SLCO3A1: variants seen among roughly 807,000 people sequenced by gnomAD.
SLCO3A1 encodes solute carrier organic anion transporter family member 3A1.
SLCO3A1 carries 27 observed loss-of-function variants against 63.1 expected under a neutral mutation model. That is an observed-to-expected ratio of 0.43 (90% confidence interval 0.32 to 0.59). SLCO3A1 has a LOEUF of 0.59. Among genes scored for constraint, SLCO3A1 ranks in the 20% least tolerant of loss-of-function variants. The probability of loss-of-function intolerance (pLI) is 0.09; values close to 1 mark genes in which losing one functional copy is unlikely to be tolerated. For missense variants in SLCO3A1, 773 were observed against 945.8 expected, an observed-to-expected ratio of 0.82 and a Z score of 2.40; for synonymous variants, 473 against 409.9, an observed-to-expected ratio of 1.15 and a Z score of -1.86.
rs1227226182 is a variant in SLCO3A1, at chr15:91,897,320, G to A, written c.181-18673G>A. Among the ~76,000 whole-genome samples the A allele has an allele frequency of 3.9e-5, 6 of 152,084 alleles. No individual in the cohort carries two copies. The highest frequency in any genetic ancestry group is 3.4e-3 in the Middle Eastern group (1 of 294). ...CTAAAAATTAGCTGGGCATGGTGGC[G>A]GGCACCTATAATCCCAGCTACTCAG... On this transcript the variant is annotated intron_variant, in intron 1 of 9. Coordinates refer to ENST00000318445, the MANE Select transcript of SLCO3A1 (RefSeq NM_013272.4). This position sits in a 1 kb window ranked among gnomAD's most constrained non-coding sequence, Gnocchi z 4.7.
At chr15:92,157,426 C>T (rs1158753779) in intron 9 of SLCO3A1, among the ~76,000 whole-genome samples, 1 of 139,080 alleles carries the variant, frequency 7.2e-6, no homozygotes, top group Non-Finnish European at 1.6e-5. Context: ...TACACCTGGC[C>T]CCCCCCCTTG....
chr15:92,019,154 T>C (rs59734462), intron 2 of SLCO3A1, among the ~76,000 whole-genome samples: 1,838 of 152,230 alleles, frequency 0.012, 40 homozygotes, highest in African/African-American at 0.042. Flanking sequence ...CTTTGCTCAT[T>C]GCCTCTCACT....
rs1458441148 is a variant in SLCO3A1, at chr15:91,860,321, C to T, written c.180+6233C>T. ...AACTTAGACTTGCTATTTCCCAGCT[C>T]CTGGCAACTTCACTTACTCGAGCCT... is the stretch of plus-strand genomic sequence containing the variant. On this transcript the variant is annotated intron_variant, in intron 1 of 9. Transcript: ENST00000318445. This position sits in a 1 kb window ranked among gnomAD's most constrained non-coding sequence, Gnocchi z 5.5. Among the ~76,000 whole-genome samples the T allele has an allele frequency of 6.6e-6, 1 of 152,182 alleles. No individual in the cohort carries two copies. Among genetic ancestry groups the T allele is most frequent in the Non-Finnish European group, 1.5e-5 (1 of 68,042 alleles).
At chr15:92,133,546 C>T (rs2048021687) in intron 7 of SLCO3A1, among the ~76,000 whole-genome samples, 1 of 145,370 alleles carries the variant, frequency 6.9e-6, no homozygotes, top group African/African-American at 2.5e-5. Flanking sequence ...ACATTACTGC[C>T]TGAGCTCTGC....
chr15:91,997,319 A>G (rs545900678), intron 2 of SLCO3A1, among the ~76,000 whole-genome samples: 8 of 152,352 alleles, frequency 5.3e-5, no homozygotes, highest in Admixed American at 3.3e-4. Flanking sequence ...AGATCTCTAG[A>G]AGGAAAACTA....
At chr15:91,990,637 T>A (rs968022829) in intron 2 of SLCO3A1, among the ~76,000 whole-genome samples, 8 of 146,362 alleles carry the variant, frequency 5.5e-5, no homozygotes, top group Non-Finnish European at 9.0e-5. Context: ...TCCACTTAGA[T>A]GTTCAGCCTC....
Position 91,948,716 on chromosome 15 carries a change from A to G in SLCO3A1, c.646+32258A>G, listed in dbSNP as rs950336314. On this transcript the variant is annotated intron_variant, in intron 2 of 9. Transcript: ENST00000318445. This position sits in a 1 kb window ranked among gnomAD's most constrained non-coding sequence, Gnocchi z 4.8. ...GGGCCGTCCAAGGAATAGGAGAGCCATGGCACAGGAAGTGGAAAGTCAGTC... is the reference window on the plus strand; with the variant it reads ...GGGCCGTCCAAGGAATAGGAGAGCCGTGGCACAGGAAGTGGAAAGTCAGTC... Among the ~76,000 whole-genome samples, 2 of 152,172 alleles carry G rather than the reference A, an allele frequency of 1.3e-5. No individual in the cohort carries two copies. The highest frequency in any genetic ancestry group is 4.8e-5 in the African/African-American group (2 of 41,440).
chr15:92,104,720 T>TA, intron 4 of SLCO3A1, among the ~76,000 whole-genome samples, 178 bp downstream of exon 4: 1 of 152,102 alleles, frequency 6.6e-6, no homozygotes, highest in Non-Finnish European at 1.5e-5. Flanking sequence ...GAGAAGTAAA[T>TA]AACCTGACTT....
chr15:92,141,157 A>G (rs551033008), intron 7 of SLCO3A1, among the ~76,000 whole-genome samples: 34 of 152,222 alleles, frequency 2.2e-4, no homozygotes, highest in African/African-American at 7.2e-4. Context: ...CCACCCCCCA[A>G]GTTTGGATGC....
chr15:91,979,086 C>T (rs938642601), intron 2 of SLCO3A1, among the ~76,000 whole-genome samples: 2 of 151,974 alleles, frequency 1.3e-5, no homozygotes, highest in Admixed American at 6.6e-5. Flanking sequence ...ACCTCATTTG[C>T]AAAAAGGGGA....
rs1897135769 is a variant in SLCO3A1 at position 91,865,190 on chromosome 15, T to A, written c.180+11102T>A. On this transcript the variant is annotated intron_variant, in intron 1 of 9. Transcript: ENST00000318445. The surrounding 1 kb of genome is among the most constrained non-coding windows in gnomAD (Gnocchi z 4.6). ...ACTAATTCTGAGCTCTTTTGTACTT[T>A]ATTTGGGAACAGGAATAAGTGGGGA... Among the ~76,000 whole-genome samples the A allele has an allele frequency of 6.6e-6, 1 of 152,254 alleles. No homozygotes were observed. Among genetic ancestry groups the A allele is most frequent in the African/African-American group, 2.4e-5 (1 of 41,474 alleles).
intron 2 of SLCO3A1, among the ~76,000 whole-genome samples, chr15:92,039,421 C>T (rs963281786): frequency 6.6e-6 from 1 of 152,174 alleles, no homozygotes; most frequent in Non-Finnish European, 1.5e-5. Context: ...TATGAACAGA[C>T]ACTTCTCAAA....
At position 92,005,350 on chromosome 15, in the gene SLCO3A1, A is replaced by G. The variant is rs972875320; in HGVS notation, c.646+88892A>G. ...CCTGCACAGAGGTGCAGTGATGGCC[A>G]TAGTGTGCCGAAGGGGCTGATCGCT... On this transcript the variant is annotated intron_variant, in intron 2 of 9. Coordinates refer to ENST00000318445, the MANE Select transcript of SLCO3A1 (RefSeq NM_013272.4). 3.3e-5 allele frequency among the ~76,000 whole-genome samples: 5 copies of G among 152,210 alleles called. No individual in the cohort carries two copies. The East Asian group carries it at 9.6e-4, about 29-fold the overall frequency.
intron 3 of SLCO3A1, among the ~76,000 whole-genome samples, chr15:92,097,488 T>C (rs116070079): frequency 9.2e-5 from 14 of 152,312 alleles, no homozygotes; most frequent in African/African-American, 3.4e-4. Context: ...CCCATCTTAC[T>C]GTGTTCGGCA....
At chr15:92,112,222 G>A (rs902654910) in intron 4 of SLCO3A1, among the ~76,000 whole-genome samples, 1 of 152,316 alleles carries the variant, frequency 6.6e-6, no homozygotes, top group Non-Finnish European at 1.5e-5. Flanking sequence ...GAATGCCCAA[G>A]ACACTGTTGG....
At chr15:91,940,027 C>T (rs1223487595) in intron 2 of SLCO3A1, among the ~76,000 whole-genome samples, 6 of 152,154 alleles carry the variant, frequency 3.9e-5, no homozygotes, top group African/African-American at 9.7e-5. Context: ...CCATTTGCAC[C>T]GGGAGCTCTC....
intron 2 of SLCO3A1, among the ~76,000 whole-genome samples, chr15:91,993,244 T>G (rs1301108426): frequency 1.3e-5 from 2 of 152,226 alleles, no homozygotes; most frequent in East Asian, 3.9e-4. Context: ...AACCAACACA[T>G]AAAATTTCAG....
At chr15:92,040,428 T>C (rs2046783515) in intron 2 of SLCO3A1, among the ~76,000 whole-genome samples, 1 of 152,202 alleles carries the variant, frequency 6.6e-6, no homozygotes, top group East Asian at 1.9e-4. Flanking sequence ...GATACTGATT[T>C]CTAATGAGCA....
chr15:91,924,398 A>G (rs1407981968), intron 2 of SLCO3A1, among the ~76,000 whole-genome samples: 1 of 152,184 alleles, frequency 6.6e-6, no homozygotes, highest in East Asian at 1.9e-4. Context: ...ATTGGTTAGC[A>G]TGTCTCGAAC....
Sources: allele counts gnomAD v4.1 joint callset (sites outside exome capture counted in the v4.1 genomes callset), GRCh38; gene constraint gnomAD v4.1.1; non-coding constraint Gnocchi (gnomAD v3.1); transcripts MANE v1.5; gene names NCBI Gene and HGNC (gene_info 2026-07-23, HGNC 2026-07-21).